The following PHKB variants were observed in gnomAD, a reference collection of about 807,000 sequenced individuals.
PHKB encodes the protein phosphorylase b kinase regulatory subunit beta.
Under a neutral mutation model 152.1 loss-of-function variants are expected in PHKB, and 122 were observed. The ratio of observed to expected loss-of-function variants is 0.80; its 90% CI spans 0.69 to 0.93. The LOEUF (loss-of-function observed/expected upper bound fraction) is 0.93. PHKB is among the 40% of genes least tolerant of loss of function. The probability of loss-of-function intolerance (pLI) is 0.00; values close to 1 mark genes in which losing one functional copy is unlikely to be tolerated. For missense variants in PHKB, 1,304 were observed against 1,328.4 expected, an observed-to-expected ratio of 0.98 and a Z score of 0.29; for synonymous variants, 436 against 464.9, an observed-to-expected ratio of 0.94 and a Z score of 0.80.
At chr16:47,492,578 G>C (rs1970167857) in intron 1 of PHKB, among the ~76,000 whole-genome samples, 1 of 152,186 alleles carries the variant, frequency 6.6e-6, no homozygotes. Context: ...ATGCATGGCA[G>C]GGAGAGCTGC....
chr16:47,569,975 G>T (rs911345593), intron 7 of PHKB, among the ~76,000 whole-genome samples: 2 of 152,128 alleles, frequency 1.3e-5, no homozygotes, highest in Non-Finnish European at 2.9e-5. Context: ...TTATAGAGCT[G>T]GCCTACTGGT....
intron 6 of PHKB, among the ~76,000 whole-genome samples, chr16:47,544,099 C>G (rs766740975): frequency 6.6e-6 from 1 of 152,080 alleles, no homozygotes; most frequent in Non-Finnish European, 1.5e-5. Context: ...CATTTCTGCT[C>G]TGATCTTAGT....
intron 1 of PHKB, among the ~76,000 whole-genome samples, chr16:47,479,705 A>G (rs564811065): frequency 1.3e-5 from 2 of 152,162 alleles, no homozygotes; most frequent in Non-Finnish European, 2.9e-5. Flanking sequence ...TCTAATTCAG[A>G]TTGCAGATCT....
At chr16:47,594,295 A>C (rs1972081426) in intron 12 of PHKB, 81 bp downstream of exon 12, 5 of 753,236 alleles carry the variant, frequency 6.6e-6, no homozygotes, top group Non-Finnish European at 1.2e-5. Context: ...GTCCTTTGTA[A>C]AAAACAATAA....
At chr16:47,492,660 C>T (rs778164694) in intron 1 of PHKB, among the ~76,000 whole-genome samples, 29 of 152,100 alleles carry the variant, frequency 1.9e-4, no homozygotes, top group Non-Finnish European at 3.2e-4. Context: ...AGCTGCTGCT[C>T]GCCCTTCCGT....
chr16:47,647,460 A>G (rs763334946), intron 16 of PHKB, among the ~76,000 whole-genome samples: 1 of 151,112 alleles, frequency 6.6e-6, no homozygotes, highest in African/African-American at 2.4e-5. Context: ...AATCATTTCA[A>G]CATTGAAATG....
chr16:47,571,869 T>C (rs983215413), intron 7 of PHKB, among the ~76,000 whole-genome samples: 3 of 152,176 alleles, frequency 2.0e-5, no homozygotes, highest in African/African-American at 4.8e-5. Flanking sequence ...GTTCATACTT[T>C]GGTTTCTTTT....
Position 47,503,106 on chromosome 16 carries a change from G to C in PHKB, c.405+16G>C. 6.9e-7 allele frequency: 1 copy of C among 1,451,546 alleles called. No individual in the cohort carries two copies. Among genetic ancestry groups the C allele is most frequent in the Non-Finnish European group, 9.7e-7 (1 of 1,031,870 alleles). The allele number at this position is 1,451,546 out of a possible 1,614,324, so 89.9% of individuals were successfully genotyped here. On this transcript the variant is annotated intron_variant, in intron 4 of 30. Coordinates refer to ENST00000323584, the MANE Select transcript of PHKB (RefSeq NM_000293.3). ...GGCCGATAAGGTAAAACATTGTGGT[G>C]TGGACGGGAATTCTCCCATCATTCT... is the stretch of plus-strand genomic sequence containing the variant.
At chr16:47,578,230 A>T (rs1247767240) in intron 7 of PHKB, among the ~76,000 whole-genome samples, 1 of 152,142 alleles carries the variant, frequency 6.6e-6, no homozygotes, top group East Asian at 1.9e-4. Context: ...CATGTTCGTA[A>T]TTGCTTATTG....
rs892483227 is a variant in PHKB at position 47,571,337 on chromosome 16, G to A, written c.711-8958G>A. Among the ~76,000 whole-genome samples the A allele has an allele frequency of 5.3e-5, 8 of 152,252 alleles. No individual in the cohort carries two copies. The East Asian group carries it at 1.4e-3, about 26-fold the overall frequency. ...TGGGTATATGCAGTACCCCAGTGGTGGACAAAAGTCTCAACCTTGACAGAG... is the reference window on the plus strand; with the variant it reads ...TGGGTATATGCAGTACCCCAGTGGTAGACAAAAGTCTCAACCTTGACAGAG... On this transcript the variant is annotated intron_variant, in intron 7 of 30. Transcript: ENST00000323584.
chr16:47,496,644 T>C (rs958117896), intron 1 of PHKB, among the ~76,000 whole-genome samples: 3 of 152,244 alleles, frequency 2.0e-5, no homozygotes, highest in Non-Finnish European at 4.4e-5. Flanking sequence ...CATAGTCTGA[T>C]GGCTGAAGGT....
intron 6 of PHKB, among the ~76,000 whole-genome samples, chr16:47,517,616 C>G (rs1011639207): frequency 6.6e-6 from 1 of 152,088 alleles, no homozygotes; most frequent in African/African-American, 2.4e-5. Flanking sequence ...CAATATATGT[C>G]ATAATTCATT....
intron 7 of PHKB, among the ~76,000 whole-genome samples, chr16:47,576,834 C>T (rs775781235): frequency 3.2e-4 from 48 of 152,060 alleles, no homozygotes; most frequent in Non-Finnish European, 6.3e-4. Flanking sequence ...TTAAGCATGT[C>T]TATATTGTTA....
chr16:47,698,545 A>T lies in PHKB; in HGVS notation c.3101A>T (p.Glu1034Val). ...LDRLVKEAFNEFQKDQSRLKE... is the reference protein window; with the variant it reads ...LDRLVKEAFNVFQKDQSRLKE... ...AGACTGGTCAAAGAAGCATTTAATG[A>T]ATTTCAAAAAGATCAGAGTCGGCTA... The change falls in exon 30 of 31, where the codon GAA (glutamate) becomes GTA (valine). Residue 1034 changes from glutamate (E) to valine (V), a missense_variant. Transcript: ENST00000323584. 4 of 1,609,244 alleles carry T rather than the reference A, an allele frequency of 2.5e-6. No homozygotes were observed. The highest frequency in any genetic ancestry group is 3.4e-6 in the Non-Finnish European group (4 of 1,176,954).
At chr16:47,612,895 T>C (rs1404320820) in intron 14 of PHKB, among the ~76,000 whole-genome samples, 1 of 152,134 alleles carries the variant, frequency 6.6e-6, no homozygotes, top group African/African-American at 2.4e-5. Context: ...ACTGATGAAA[T>C]AGAGTGGTCA....
At chr16:47,629,854 A>G (rs1178812524) in intron 14 of PHKB, among the ~76,000 whole-genome samples, 9 of 152,182 alleles carry the variant, frequency 5.9e-5, no homozygotes, top group South Asian at 4.1e-4. Flanking sequence ...ATAAAAAATG[A>G]TGAGTTCATG....
intron 26 of PHKB, among the ~76,000 whole-genome samples, chr16:47,674,978 G>A (rs1371674671): frequency 1.3e-5 from 2 of 152,192 alleles, no homozygotes; most frequent in Non-Finnish European, 2.9e-5. Context: ...ATTTCTGCCA[G>A]TAACTTAAGT....
At chr16:47,512,202 C>G (rs9933052) in intron 5 of PHKB, among the ~76,000 whole-genome samples, 17,526 of 152,222 alleles carry the variant, frequency 0.12, 2,192 homozygotes, top group African/African-American at 0.31. Flanking sequence ...TTTCAAATTA[C>G]ATTCTATAAA....
intron 7 of PHKB, among the ~76,000 whole-genome samples, chr16:47,570,475 C>A (rs1440990131): frequency 3.3e-5 from 5 of 152,048 alleles, no homozygotes; most frequent in Non-Finnish European, 7.4e-5. Context: ...TTATTTGTTT[C>A]TTTGTATTCT....
Sources: gnomAD v4.1 joint callset for allele counts (sites outside exome capture counted in the v4.1 genomes callset) on GRCh38, gnomAD v4.1.1 for gene constraint, MANE v1.5 for transcripts, NCBI Gene and HGNC (gene_info 2026-07-23, HGNC 2026-07-21) for gene names.